Variants in GPC6 observed in about 807,000 individuals in gnomAD.
The protein encoded by GPC6 is glypican 6.
GPC6 carries 14 observed loss-of-function variants against 55.2 expected under a neutral mutation model. The ratio of observed to expected loss-of-function variants is 0.25; its 90% CI spans 0.17 to 0.40. The LOEUF (loss-of-function observed/expected upper bound fraction) is 0.40, where lower values mean the gene tolerates loss of function less well. GPC6 is among the 10% of genes least tolerant of loss of function. The pLI is 1.00. For missense variants in GPC6, 641 were observed against 708.5 expected (o/e 0.90, Z 1.08); for synonymous variants, 278 against 259.6 (o/e 1.07, Z -0.68).
At chr13:94,165,288 A>G (rs1888326912) in intron 4 of GPC6, among the ~76,000 whole-genome samples, 2 of 148,986 alleles carry the variant, frequency 1.3e-5, no homozygotes, top group Admixed American at 1.3e-4. Flanking sequence ...ATATATATAT[A>G]TATACATAAT....
At chr13:93,364,390 C>T (rs1052910620) in intron 1 of GPC6, among the ~76,000 whole-genome samples, 3 of 151,920 alleles carry the variant, frequency 2.0e-5, no homozygotes, top group Non-Finnish European at 4.4e-5. Context: ...CAATGATGCA[C>T]GGTGAGTCAA....
Position 94,403,272 on chromosome 13 carries a change from A to T in GPC6, c.*55A>T. On this transcript the variant is annotated 3_prime_UTR_variant, in exon 9 of 9. Coordinates refer to ENST00000377047, the MANE Select transcript of GPC6 (RefSeq NM_005708.5). Reference sequence around the variant, plus strand: ...TTTTAGCTATCTGAATGGCCAACTCACTTCTTTTCTTACACTCTTGGACAA... The same window carrying T: ...TTTTAGCTATCTGAATGGCCAACTCTCTTCTTTTCTTACACTCTTGGACAA... The T allele has an allele frequency of 8.1e-7, 1 of 1,233,810 alleles. No homozygotes were observed. The allele number at this position is 1,233,810 out of a possible 1,614,324, so 76.4% of individuals were successfully genotyped here. A position where few individuals can be genotyped will look rare whatever the true frequency, so the allele number is the denominator to read the frequency against.
chr13:93,978,229 AG>A (rs1449844627), intron 3 of GPC6, among the ~76,000 whole-genome samples: 3 of 152,206 alleles, frequency 2.0e-5, no homozygotes, highest in Non-Finnish European at 2.9e-5. Context: ...AAGCCTCCAG[AG>A]AGGAATGCAG....
At chr13:93,244,417 G>A (rs1876532620) in intron 1 of GPC6, among the ~76,000 whole-genome samples, 1 of 152,262 alleles carries the variant, frequency 6.6e-6, no homozygotes, top group South Asian at 2.1e-4. Flanking sequence ...CATGCCAGAA[G>A]CATGCTTTAT....
chr13:93,883,051 A>C (rs1466824242), intron 3 of GPC6, among the ~76,000 whole-genome samples: 1 of 151,428 alleles, frequency 6.6e-6, no homozygotes, highest in Non-Finnish European at 1.5e-5. Context: ...AATAAAATCC[A>C]AATTCCCCAG....
chr13:94,267,857 C>A (rs925269721), intron 4 of GPC6, among the ~76,000 whole-genome samples: 1 of 152,162 alleles, frequency 6.6e-6, no homozygotes, highest in Non-Finnish European at 1.5e-5. Context: ...GTGGCATTTT[C>A]AAAATGAAGA....
chr13:94,303,273 T>C (rs1875760439), intron 5 of GPC6, among the ~76,000 whole-genome samples: 1 of 152,222 alleles, frequency 6.6e-6, no homozygotes, highest in Non-Finnish European at 1.5e-5. Flanking sequence ...CCCCCTGTGC[T>C]CTTAGGCGAT....
intron 6 of GPC6, among the ~76,000 whole-genome samples, chr13:94,316,445 C>T (rs1352169924): frequency 6.6e-6 from 1 of 152,110 alleles, no homozygotes. Flanking sequence ...GGGCCGGGCG[C>T]GGTGGCTCAC....
chr13:94,019,176 A>T (rs1052279716), intron 3 of GPC6, among the ~76,000 whole-genome samples: 1 of 152,162 alleles, frequency 6.6e-6, no homozygotes, highest in African/African-American at 2.4e-5. Flanking sequence ...TTTACAAGTT[A>T]AGCCATCTGG....
chr13:94,333,181 T>A (rs1877513070), intron 6 of GPC6, among the ~76,000 whole-genome samples: 1 of 152,186 alleles, frequency 6.6e-6, no homozygotes, highest in Non-Finnish European at 1.5e-5. Context: ...GTCCCTTAAT[T>A]TTTTACTATA....
In GPC6 at chr13:93,386,170, T is replaced by C. The variant is rs537837461; in HGVS notation, c.160+158554T>C. The stretch of plus-strand genomic sequence containing the variant: ...ATTCTATTATCCTTTTATTACTCTG[T>C]AATTTTGAGGGCAAGTTCAGCGAAT... On this transcript the variant is annotated intron_variant, in intron 1 of 8. Transcript: ENST00000377047. 1.5e-4 allele frequency among the ~76,000 whole-genome samples: 23 copies of C among 150,912 alleles called. No homozygotes were observed. The East Asian group carries it at 3.9e-3, about 25-fold the overall frequency.
At chr13:93,963,219 G>A (rs1301794325) in intron 3 of GPC6, among the ~76,000 whole-genome samples, 2 of 151,866 alleles carry the variant, frequency 1.3e-5, no homozygotes, top group Non-Finnish European at 2.9e-5. Flanking sequence ...GGAGAAAAGT[G>A]CTTTTAGAAA....
intron 4 of GPC6, among the ~76,000 whole-genome samples, chr13:94,165,914 A>G (rs912610625): frequency 6.6e-6 from 1 of 152,134 alleles, no homozygotes; most frequent in Non-Finnish European, 1.5e-5. Context: ...TAAATTTACA[A>G]ATACATATTT....
At chr13:93,453,880 A>AGG (rs1878326039) in intron 1 of GPC6, among the ~76,000 whole-genome samples, 1 of 152,080 alleles carries the variant, frequency 6.6e-6, no homozygotes, top group Admixed American at 6.5e-5. Flanking sequence ...ACAGTGTGGA[A>AGG]GGGGACCTGA....
At chr13:94,373,142 TA>T (rs2139195379) in intron 6 of GPC6, among the ~76,000 whole-genome samples, 1 of 152,226 alleles carries the variant, frequency 6.6e-6, no homozygotes, top group East Asian at 1.9e-4. Flanking sequence ...CTGGAAACTC[TA>T]AAAAGCAGAG....
At chr13:94,046,166 C>A (rs1883726331) in intron 4 of GPC6, among the ~76,000 whole-genome samples, 2 of 152,028 alleles carry the variant, frequency 1.3e-5, no homozygotes, top group Admixed American at 6.6e-5. Flanking sequence ...ATGTCCCACC[C>A]ACAGCAATAA....
intron 4 of GPC6, among the ~76,000 whole-genome samples, chr13:94,208,393 G>A (rs771282343): frequency 1.7e-4 from 26 of 152,002 alleles, no homozygotes; most frequent in Non-Finnish European, 3.4e-4. Flanking sequence ...CATAATGTTA[G>A]CCCTTATTAT....
intron 1 of GPC6, among the ~76,000 whole-genome samples, chr13:93,429,189 G>T (rs1426650593): frequency 6.6e-6 from 1 of 151,976 alleles, no homozygotes; most frequent in Non-Finnish European, 1.5e-5. Context: ...CTCTCCTAAA[G>T]CTAATTCCGC....
chr13:94,196,164 T>A (rs1889566240), intron 4 of GPC6, among the ~76,000 whole-genome samples: 1 of 152,024 alleles, frequency 6.6e-6, no homozygotes, highest in South Asian at 2.1e-4. Context: ...CATACCACAA[T>A]TAACTTGAAT....
Sources: allele counts gnomAD v4.1 joint callset (sites outside exome capture counted in the v4.1 genomes callset), GRCh38; gene constraint gnomAD v4.1.1; transcripts MANE v1.5; gene names NCBI Gene and HGNC (gene_info 2026-07-23, HGNC 2026-07-21).